RAPGEF4: variants seen among roughly 807,000 people sequenced by gnomAD.
The protein encoded by RAPGEF4 is RAP guanine-nucleotide-exchange factor (GEF) 4.
RAPGEF4 carries 66 observed loss-of-function variants against 147.9 expected under a neutral mutation model. That is an observed-to-expected ratio of 0.45 (90% CI 0.37 to 0.55). The LOEUF (loss-of-function observed/expected upper bound fraction) is 0.55. Among genes scored for constraint, RAPGEF4 ranks in the 20% least tolerant of loss-of-function variants. The pLI is 0.00. For synonymous variants in RAPGEF4, 419 were observed against 442.7 expected, an observed-to-expected ratio of 0.95 and a Z score of 0.67; for missense variants, 1,071 against 1,257.3, an observed-to-expected ratio of 0.85 and a Z score of 2.24.
intron 29 of RAPGEF4, among the ~76,000 whole-genome samples, chr2:173,044,490 A>C (rs1685189324): frequency 6.6e-6 from 1 of 152,178 alleles, no homozygotes; most frequent in Admixed American, 6.5e-5. Flanking sequence ...TAGACGCGTG[A>C]CATAGTCACA....
At chr2:172,785,327 A>T (rs1685095843) in intron 1 of RAPGEF4, among the ~76,000 whole-genome samples, 1 of 152,204 alleles carries the variant, frequency 6.6e-6, no homozygotes, top group Non-Finnish European at 1.5e-5. Flanking sequence ...GGCATGGAAA[A>T]ATTTTAGTAT....
At chr2:172,892,339 A>T (rs532592939) in intron 4 of RAPGEF4, among the ~76,000 whole-genome samples, 1 of 152,172 alleles carries the variant, frequency 6.6e-6, no homozygotes, top group East Asian at 1.9e-4. Context: ...TTAACCATTG[A>T]CTCCACTGCC....
At chr2:172,978,761 G>A (rs1456566347) in intron 10 of RAPGEF4, among the ~76,000 whole-genome samples, 3 of 152,156 alleles carry the variant, frequency 2.0e-5, no homozygotes. Flanking sequence ...TTCTTTTCTC[G>A]TCTGCTCTCT....
intron 6 of RAPGEF4, among the ~76,000 whole-genome samples, chr2:172,927,253 C>T (rs182944976): frequency 6.6e-6 from 1 of 152,248 alleles, no homozygotes; most frequent in Non-Finnish European, 1.5e-5. Flanking sequence ...TAATAAGAAC[C>T]TTTTGACTGT....
At chr2:172,873,145 G>C (rs1695445798) in intron 4 of RAPGEF4, among the ~76,000 whole-genome samples, 1 of 152,154 alleles carries the variant, frequency 6.6e-6, no homozygotes, top group Admixed American at 6.5e-5. Context: ...AATACAATGT[G>C]TCTATAATTG....
At chr2:172,950,590 T>A (rs1288828045) in intron 6 of RAPGEF4, among the ~76,000 whole-genome samples, 1 of 152,184 alleles carries the variant, frequency 6.6e-6, no homozygotes, top group Non-Finnish European at 1.5e-5. Flanking sequence ...ATAATGAATT[T>A]GGTTGAGATA....
At chr2:172,858,444 A>G (rs935470217) in intron 4 of RAPGEF4, among the ~76,000 whole-genome samples, 4 of 152,210 alleles carry the variant, frequency 2.6e-5, no homozygotes, top group Non-Finnish European at 4.4e-5. Context: ...ATCCCAAACC[A>G]GTGCTCGGAT....
chr2:172,821,428 T>G (rs1394608448), intron 4 of RAPGEF4: 3 of 319,108 alleles, frequency 9.4e-6, no homozygotes, highest in African/African-American at 2.3e-5. Flanking sequence ...ACCTTGGAGC[T>G]TGTACTGTAG....
intron 4 of RAPGEF4, among the ~76,000 whole-genome samples, chr2:172,829,777 C>T (rs1355796635): frequency 6.7e-6 from 1 of 148,776 alleles, no homozygotes; most frequent in African/African-American, 2.4e-5. Flanking sequence ...AATATAATAA[C>T]TCATTTATAT....
intron 6 of RAPGEF4, among the ~76,000 whole-genome samples, chr2:172,942,568 T>TA (rs60948094): frequency 0.062 from 6,699 of 107,718 alleles, 459 homozygotes; most frequent in African/African-American, 0.19. Context: ...TAGAGTCTGG[T>TA]AAAAAAAAAA....
chr2:172,793,405 C>T (rs780453367), intron 1 of RAPGEF4, among the ~76,000 whole-genome samples: 1 of 152,134 alleles, frequency 6.6e-6, no homozygotes, highest in Non-Finnish European at 1.5e-5. Flanking sequence ...AGAAGAGAGG[C>T]CCCCGGCTCT....
chr2:172,990,024 A>AAAG (rs1348653295), intron 14 of RAPGEF4, among the ~76,000 whole-genome samples: 1 of 151,718 alleles, frequency 6.6e-6, no homozygotes, highest in East Asian at 1.9e-4. Flanking sequence ...ATGCAAAAAA[A>AAAG]AAAAAGAAAA....
chr2:172,735,801 C>T (rs1693686640), upstream of RAPGEF4: 3 of 289,360 alleles, frequency 1.0e-5, no homozygotes, highest in Non-Finnish European at 1.7e-5. Flanking sequence ...CGGGTCCCCT[C>T]CCTCTCCCCA....
intron 6 of RAPGEF4, among the ~76,000 whole-genome samples, chr2:172,940,173 G>A (rs1687005044): frequency 6.6e-6 from 1 of 152,044 alleles, no homozygotes; most frequent in Admixed American, 6.6e-5. Flanking sequence ...GTTTTGGGGA[G>A]AAGACCACCG....
chr2:172,825,549 C>A (rs1312339742), intron 4 of RAPGEF4, among the ~76,000 whole-genome samples: 1 of 152,110 alleles, frequency 6.6e-6, no homozygotes, highest in Non-Finnish European at 1.5e-5. Flanking sequence ...CCCAATGTAA[C>A]ATATCCTCTT....
At chr2:172,900,630 A>G (rs760953735) in intron 4 of RAPGEF4, among the ~76,000 whole-genome samples, 8 of 152,146 alleles carry the variant, frequency 5.3e-5, no homozygotes, top group Non-Finnish European at 7.3e-5. Context: ...AAATTCTGCC[A>G]ATTGTTTACA....
At chr2:172,932,394 C>A (rs1451501763) in intron 6 of RAPGEF4, among the ~76,000 whole-genome samples, 5 of 152,176 alleles carry the variant, frequency 3.3e-5, no homozygotes, top group African/African-American at 4.8e-5. Context: ...AACAAATTTT[C>A]TCAAGGAATG....
chr2:172,793,318 T>G (rs1686013888), intron 1 of RAPGEF4, among the ~76,000 whole-genome samples: 1 of 152,174 alleles, frequency 6.6e-6, no homozygotes, highest in Admixed American at 6.5e-5. Flanking sequence ...CATGCACAGG[T>G]GCTGAGTATC....
At chr2:172,903,193 A>T (rs1489213035) in intron 4 of RAPGEF4, among the ~76,000 whole-genome samples, 1 of 151,890 alleles carries the variant, frequency 6.6e-6, no homozygotes, top group Non-Finnish European at 1.5e-5. Context: ...ACATGGTGAA[A>T]CCTCATCTCT....
Sources: gnomAD v4.1 joint callset for allele counts (sites outside exome capture counted in the v4.1 genomes callset) on GRCh38, gnomAD v4.1.1 for gene constraint, MANE v1.5 for transcripts, NCBI Gene and HGNC (gene_info 2026-07-23, HGNC 2026-07-21) for gene names.